The following PTPRT variants were observed in gnomAD, a reference collection of about 807,000 sequenced individuals.
PTPRT encodes protein tyrosine phosphatase receptor type T.
PTPRT carries 56 observed loss-of-function variants against 176.8 expected under a neutral mutation model. The ratio of observed to expected loss-of-function variants is 0.32; its 90% CI spans 0.26 to 0.40. The LOEUF is 0.40. Among genes scored for constraint, PTPRT ranks in the 10% least tolerant of loss-of-function variants. PTPRT has a pLI of 1.00. For synonymous variants in PTPRT, 783 were observed against 739.0 expected (o/e 1.06, Z -0.96); for missense variants, 1,540 against 1,908.2 (o/e 0.81, Z 3.60).
intron 1 of PTPRT, among the ~76,000 whole-genome samples, chr20:42,971,854 G>A (rs1982658315): frequency 6.6e-6 from 1 of 151,984 alleles, no homozygotes; most frequent in South Asian, 2.1e-4. Context: ...TGTTAATTGA[G>A]CACCTACTAT....
chr20:42,102,273 C>T lies in PTPRT; in HGVS notation c.3565G>A (p.Val1189Met). The change falls in exon 26 of 31, where the codon GTG becomes ATG. Residue 1189 changes from valine (V) to methionine (M), a missense_variant. Around this residue, in one of 11 missense-constraint regions of PTPRT, gnomAD observed 342 missense variants for 394.0 expected, o/e 0.87. Transcript: ENST00000373187. ...CCAATGCTGCAGTCCTCGGGCCGCACACGGGGTGTCACAATGTTGAGGGTC... is the reference window on the plus strand; with the variant it reads ...CCAATGCTGCAGTCCTCGGGCCGCATACGGGGTGTCACAATGTTGAGGGTC... Reference protein sequence around the residue: ...FQTLNIVTPRVRPEDCSIGLL... With the variant: ...FQTLNIVTPRMRPEDCSIGLL... 1 of 1,614,078 alleles carries T rather than the reference C, an allele frequency of 6.2e-7. No homozygotes were observed. The highest frequency in any genetic ancestry group is 8.5e-7 in the Non-Finnish European group (1 of 1,179,956).
chr20:42,070,912 C>G (rs1328805060), downstream of PTPRT, among the ~76,000 whole-genome samples: 1 of 151,946 alleles, frequency 6.6e-6, no homozygotes, highest in East Asian at 1.9e-4. Context: ...TTTTTTCCTT[C>G]TTTCTAATTT....
At chr20:42,333,031 T>G (rs1445697571) in intron 11 of PTPRT, among the ~76,000 whole-genome samples, 3 of 152,188 alleles carry the variant, frequency 2.0e-5, no homozygotes, top group Non-Finnish European at 4.4e-5. Context: ...GCAACTAAAC[T>G]TTAGGAAACC....
intron 1 of PTPRT, among the ~76,000 whole-genome samples, chr20:43,146,998 G>A (rs1447943199): frequency 1.3e-5 from 2 of 152,070 alleles, no homozygotes; most frequent in Admixed American, 6.6e-5. Context: ...CATCTCACTC[G>A]CCCAACCTGC....
At chr20:42,695,552 A>G (rs181635939) in intron 6 of PTPRT, among the ~76,000 whole-genome samples, 2 of 152,330 alleles carry the variant, frequency 1.3e-5, no homozygotes, top group Admixed American at 1.3e-4. Context: ...GTTAATTTAA[A>G]ATAAGAAAAT....
At chr20:42,606,083 T>C (rs2073871533) in intron 7 of PTPRT, among the ~76,000 whole-genome samples, 1 of 152,182 alleles carries the variant, frequency 6.6e-6, no homozygotes, top group Non-Finnish European at 1.5e-5. Context: ...TTGTGCACGA[T>C]GTTGAGAAAT....
intron 25 of PTPRT, among the ~76,000 whole-genome samples, chr20:42,103,338 A>T (rs1478430600): frequency 1.3e-5 from 2 of 152,248 alleles, no homozygotes; most frequent in African/African-American, 4.8e-5. Flanking sequence ...TCACTCAGAG[A>T]TCTTGTTAAC....
chr20:43,009,764 G>A (rs1009558859), intron 1 of PTPRT, among the ~76,000 whole-genome samples: 2 of 152,132 alleles, frequency 1.3e-5, no homozygotes, highest in African/African-American at 2.4e-5. Context: ...CATCTGCGAC[G>A]ATGGCTACAT....
chr20:42,941,088 A>AAAT lies in PTPRT; in HGVS notation c.89-55159_89-55157dup, dbSNP rs528920602. ...CAGAGCAAGACTCCATCTCAAAAAAAAATAATAATAATAATAATAATAATA... is the reference window on the plus strand; with the variant it reads ...CAGAGCAAGACTCCATCTCAAAAAAAAATAATAATAATAATAATAATAATAATA... On this transcript the variant is annotated intron_variant, in intron 1 of 30. Transcript: ENST00000373187. 5.3e-3 allele frequency among the ~76,000 whole-genome samples: 795 copies of AAAT among 150,470 alleles called. 1 individual carries two copies. The highest frequency in any genetic ancestry group is 7.4e-3 in the South Asian group (35 of 4,752).
intron 1 of PTPRT, among the ~76,000 whole-genome samples, chr20:43,112,571 A>G (rs2146344380): frequency 6.6e-6 from 1 of 152,378 alleles, no homozygotes; most frequent in Middle Eastern, 3.4e-3. Context: ...GAAGGTAGGA[A>G]AATGGAAGAT....
chr20:42,354,287 CAGTGAAATCCTATG>C (rs1224153921), intron 9 of PTPRT, among the ~76,000 whole-genome samples: 1 of 152,172 alleles, frequency 6.6e-6, no homozygotes, highest in East Asian at 1.9e-4. Flanking sequence ...CACTGTGTAT[CAGTGAAATCCTATG>C]AAACGCGCTT....
At chr20:43,079,040 T>G (rs561151702) in intron 1 of PTPRT, among the ~76,000 whole-genome samples, 1 of 152,314 alleles carries the variant, frequency 6.6e-6, no homozygotes, top group East Asian at 1.9e-4. Flanking sequence ...GCCATTTTTG[T>G]ATACTTTGAA....
intron 2 of PTPRT, among the ~76,000 whole-genome samples, chr20:42,806,154 CTGTCTT>C (rs1215647466): frequency 2.0e-5 from 3 of 151,992 alleles, no homozygotes; most frequent in Non-Finnish European, 4.4e-5. Context: ...AGATTTTTCT[CTGTCTT>C]TGTTTCCCAA....
intron 1 of PTPRT, among the ~76,000 whole-genome samples, chr20:42,891,041 C>T (rs1031633478): frequency 1.8e-4 from 27 of 152,296 alleles, no homozygotes; most frequent in Admixed American, 1.4e-3. Flanking sequence ...CCTCCCCAGC[C>T]ACATGGAACT....
intron 7 of PTPRT, among the ~76,000 whole-genome samples, chr20:42,585,438 T>G (rs1479357448): frequency 6.6e-6 from 1 of 152,198 alleles, no homozygotes; most frequent in Non-Finnish European, 1.5e-5. Flanking sequence ...TGCACTCTAT[T>G]TTGTATATGC....
At chr20:42,081,528 AC>A (rs1398411407) in intron 30 of PTPRT, among the ~76,000 whole-genome samples, 1 of 152,216 alleles carries the variant, frequency 6.6e-6, no homozygotes, top group Non-Finnish European at 1.5e-5. Flanking sequence ...TGTAAAAATT[AC>A]CATAAATTAA....
intron 7 of PTPRT, among the ~76,000 whole-genome samples, chr20:42,612,273 C>T (rs1041571454): frequency 3.5e-4 from 54 of 152,326 alleles, no homozygotes; most frequent in African/African-American, 1.3e-3. Flanking sequence ...AATGTATTCT[C>T]CACACATCCA....
At chr20:42,094,046 C>CA (rs1353743126) in intron 27 of PTPRT, among the ~76,000 whole-genome samples, 1 of 152,238 alleles carries the variant, frequency 6.6e-6, no homozygotes, top group African/African-American at 2.4e-5. Context: ...AAAGATTCTT[C>CA]ATTCACCCAG....
intron 2 of PTPRT, among the ~76,000 whole-genome samples, chr20:42,858,606 G>T (rs2078606478): frequency 6.6e-6 from 1 of 152,100 alleles, no homozygotes; most frequent in African/African-American, 2.4e-5. Context: ...CAACTAGAAG[G>T]TGTCATTTTT....
Sources: gnomAD v4.1 joint callset for allele counts (sites outside exome capture counted in the v4.1 genomes callset) on GRCh38, gnomAD v4.1.1 for gene constraint, gnomAD v4.1.1 regional missense constraint, MANE v1.5 for transcripts, NCBI Gene and HGNC (gene_info 2026-07-23, HGNC 2026-07-21) for gene names.